CATSPERT: variants seen among roughly 807,000 people sequenced by gnomAD.
CATSPERT encodes the protein catsper channel auxiliary subunit tau.
the CATSPERT span, chr2:201,495,793 G>A: frequency 1.6e-6 from 1 of 636,782 alleles, no homozygotes; most frequent in Non-Finnish European, 2.5e-6. Flanking sequence ...ACAGTAGCCA[G>A]GTGTTTCTAA....
At chr2:201,545,195 G>A in the CATSPERT span, among the ~76,000 whole-genome samples, 4 of 151,644 alleles carry the variant, frequency 2.6e-5, no homozygotes, top group African/African-American at 7.3e-5. Flanking sequence ...CTGCCACCGC[G>A]CCTGGCTAAT....
At chr2:201,590,538 C>G in the CATSPERT span, among the ~76,000 whole-genome samples, 1 of 151,902 alleles carries the variant, frequency 6.6e-6, no homozygotes, top group Non-Finnish European at 1.5e-5. Context: ...ATTTCTAGTT[C>G]TAGATCCCTG....
the CATSPERT span, among the ~76,000 whole-genome samples, chr2:201,540,414 A>G: frequency 3.9e-5 from 6 of 152,356 alleles, no homozygotes; most frequent in East Asian, 1.2e-3. Context: ...AGGACAGGCC[A>G]ACTCTCTTGT....
At chr2:201,574,775 T>G in the CATSPERT span, among the ~76,000 whole-genome samples, 1 of 152,152 alleles carries the variant, frequency 6.6e-6, no homozygotes, top group Non-Finnish European at 1.5e-5. Flanking sequence ...GTTTTTTATG[T>G]TCCTAGCCCC....
At chr2:201,521,996 C>A in the CATSPERT span, among the ~76,000 whole-genome samples, 7 of 152,126 alleles carry the variant, frequency 4.6e-5, no homozygotes, top group Non-Finnish European at 1.5e-5. Context: ...ATACTCAATT[C>A]AATGTATTTA....
chr2:201,492,229 C>T, the CATSPERT span: 1 of 1,518,970 alleles, frequency 6.6e-7, no homozygotes, highest in Non-Finnish European at 8.8e-7. Flanking sequence ...ACAGTCATCT[C>T]TAAAAGGTAA....
At chr2:201,545,424 C>A in the CATSPERT span, 273,291 of 636,388 alleles carry the variant, frequency 0.43, 61,953 homozygotes, top group East Asian at 0.75. Context: ...AGTGAAATGC[C>A]TATTTATTTC....
the CATSPERT span, among the ~76,000 whole-genome samples, chr2:201,488,378 T>C: frequency 1.1e-4 from 16 of 152,336 alleles, no homozygotes; most frequent in East Asian, 3.1e-3. Context: ...TCTTTCATCC[T>C]TTAATAACCA....
chr2:201,581,589 TATATACACATAC>T, the CATSPERT span, among the ~76,000 whole-genome samples: 2 of 59,314 alleles, frequency 3.4e-5, no homozygotes, highest in East Asian at 5.8e-4. Context: ...TATATATATA[TATATACACATAC>T]ATATTCTGGA....
chr2:201,596,761 T>A, the CATSPERT span, among the ~76,000 whole-genome samples: 1 of 152,218 alleles, frequency 6.6e-6, no homozygotes, highest in East Asian at 1.9e-4. Flanking sequence ...AGAATGCTTT[T>A]AAGTCCTTCA....
At chr2:201,551,863 G>A in the CATSPERT span, among the ~76,000 whole-genome samples, 1 of 148,922 alleles carries the variant, frequency 6.7e-6, no homozygotes, top group African/African-American at 2.5e-5. Context: ...AGCTGAGATC[G>A]CACCATCGCA....
At chr2:201,598,658 T>G in the CATSPERT span, among the ~76,000 whole-genome samples, 1 of 152,142 alleles carries the variant, frequency 6.6e-6, no homozygotes, top group Non-Finnish European at 1.5e-5. Context: ...GTTGGCTCAC[T>G]GCAAACTCTG....
chr2:201,589,114 C>T, the CATSPERT span, among the ~76,000 whole-genome samples: 1 of 151,988 alleles, frequency 6.6e-6, no homozygotes, highest in Non-Finnish European at 1.5e-5. Context: ...GATGACACAA[C>T]AAATGGTAGA....
chr2:201,577,422 A>G, the CATSPERT span, among the ~76,000 whole-genome samples: 3 of 152,240 alleles, frequency 2.0e-5, no homozygotes, highest in East Asian at 5.8e-4. Context: ...AGGGATTGAA[A>G]TCAGTATGTC....
At chr2:201,534,082 A>G in the CATSPERT span, among the ~76,000 whole-genome samples, 2 of 150,524 alleles carry the variant, frequency 1.3e-5, no homozygotes, top group East Asian at 1.9e-4. Flanking sequence ...CTATCTATCT[A>G]TCTATCAAAT....
chr2:201,496,999 C>T, the CATSPERT span, among the ~76,000 whole-genome samples: 8 of 152,140 alleles, frequency 5.3e-5, no homozygotes, highest in South Asian at 4.1e-4. Context: ...AGAGAGAAAA[C>T]GTGACACATC....
chr2:201,579,914 C>T, the CATSPERT span, among the ~76,000 whole-genome samples: 6 of 150,078 alleles, frequency 4.0e-5, no homozygotes, highest in South Asian at 2.1e-4. Context: ...TGCAGTAGCA[C>T]GATCATAGCT....
chr2:201,528,067 C>T, the CATSPERT span, among the ~76,000 whole-genome samples: 9 of 55,042 alleles, frequency 1.6e-4, no homozygotes, highest in Admixed American at 8.4e-4. Flanking sequence ...AAGCAAAAAG[C>T]GAAAAAAAAA....
At chr2:201,557,251 C>A in the CATSPERT span, 1 of 152,154 alleles carries the variant, frequency 6.6e-6, no homozygotes. Flanking sequence ...CATCCTTATA[C>A]AAATTTCAGT....
Sources: allele counts gnomAD v4.1 joint callset (sites outside exome capture counted in the v4.1 genomes callset), GRCh38; gene constraint gnomAD v4.1.1; transcripts MANE v1.5; gene names NCBI Gene and HGNC (gene_info 2026-07-23, HGNC 2026-07-21).